Variants in CP observed in about 807,000 individuals in gnomAD.
CP encodes the protein caeruloplasmin.
Under a neutral mutation model 122.4 loss-of-function variants are expected in CP, and 64 were observed. That is an observed-to-expected ratio of 0.52 (90% CI 0.43 to 0.64). The LOEUF (loss-of-function observed/expected upper bound fraction) is 0.64. Among genes scored for constraint, CP ranks in the 30% least tolerant of loss-of-function variants. The pLI is 0.00. For missense variants in CP, 1,167 were observed against 1,284.4 expected (o/e 0.91, Z 1.40); for synonymous variants, 440 against 436.4 (o/e 1.01, Z -0.10).
At chr3:149,172,051 AAGAC>A (rs1251438910), downstream of CP, 2 of 1,600,426 alleles carry the variant, frequency 1.2e-6, no homozygotes, top group African/African-American at 2.7e-5. Flanking sequence ...GATTGAATGA[AAGAC>A]AGACTTTCAA....
intron 5 of CP, among the ~76,000 whole-genome samples, chr3:149,164,892 G>A (rs942627921): frequency 6.6e-6 from 1 of 152,052 alleles, no homozygotes; most frequent in African/African-American, 2.4e-5. Context: ...TTAGGCTTTT[G>A]AATTTGCAAT....
intron 13 of CP, among the ~76,000 whole-genome samples, chr3:149,182,841 G>A (rs1398125837): frequency 6.6e-6 from 1 of 152,036 alleles, no homozygotes; most frequent in Non-Finnish European, 1.5e-5. Flanking sequence ...TAGGATAATG[G>A]GGATAAATTG....
At chr3:149,167,991 G>T (rs781312506), downstream of CP, 3 of 1,409,448 alleles carry the variant, frequency 2.1e-6, no homozygotes, top group East Asian at 2.3e-5. Context: ...AAGGTAAAAT[G>T]ATTTTTTTTT....
chr3:149,211,167 TA>T (rs1728076008), intron 2 of CP, among the ~76,000 whole-genome samples: 1 of 152,216 alleles, frequency 6.6e-6, no homozygotes, highest in Non-Finnish European at 1.5e-5. Context: ...ATTCACTTTC[TA>T]AACCAATATC....
intron 18 of CP, among the ~76,000 whole-genome samples, chr3:149,174,245 G>A (rs936332003): frequency 2.1e-4 from 32 of 152,146 alleles, no homozygotes; most frequent in Admixed American, 1.6e-3. Context: ...TACATGATCC[G>A]GGATTTTCTT....
In CP at chr3:149,221,717, T is replaced by C. The variant is rs1257109015; in HGVS notation, c.76A>G (p.Ile26Val). 1 of 1,612,826 alleles carries C rather than the reference T, an allele frequency of 6.2e-7. No individual in the cohort carries two copies. Among genetic ancestry groups the C allele is most frequent in the South Asian group, 1.1e-5 (1 of 90,756 alleles). Residue 26 changes from isoleucine to valine, a missense_variant, in exon 1 of 19, where the codon ATT becomes GTT. Coordinates refer to ENST00000264613, the MANE Select transcript of CP (RefSeq NM_000096.4). Reference sequence around the variant, plus strand: ...TCCCAAGTCGTTTCAATAATTCCAATGTAATAATGCTTTTCTTTCGCCCAG... The same window carrying C: ...TCCCAAGTCGTTTCAATAATTCCAACGTAATAATGCTTTTCTTTCGCCCAG... ...PAWAKEKHYY[I>V]GIIETTWDYA...
At chr3:149,181,190 C>T (rs1185686516) in intron 14 of CP, among the ~76,000 whole-genome samples, 3 of 152,152 alleles carry the variant, frequency 2.0e-5, no homozygotes, top group Non-Finnish European at 2.9e-5. Flanking sequence ...CATCTGGCCC[C>T]TGCTCTCCCT....
intron 9 of CP, among the ~76,000 whole-genome samples, chr3:149,190,688 G>T (rs921380785): frequency 8.0e-4 from 120 of 150,688 alleles, no homozygotes; most frequent in African/African-American, 2.8e-3. Context: ...AGGAGGGGGG[G>T]AACCCCATAA....
intron 12 of CP, among the ~76,000 whole-genome samples, chr3:149,184,541 G>C (rs1467664590): frequency 6.6e-6 from 1 of 152,140 alleles, no homozygotes; most frequent in Non-Finnish European, 1.5e-5. Context: ...TCTCCATGTG[G>C]TCAGCGCATG....
chr3:149,168,495 A>C (rs1442084357), downstream of CP: 1 of 166,898 alleles, frequency 6.0e-6, no homozygotes, highest in East Asian at 1.7e-4. Context: ...ATCTGTTTCT[A>C]TACTGCTGTG....
rs1202263053 is a variant in CP, at chr3:149,185,347, G to A, written c.2177C>T (p.Thr726Ile). ...NQCRRQSEDS[T>I]FYLGERTYYI... ...GTATGTCCTCTCTCCCAGGTAGAAG[G>A]TGGAATCCTCAGACTGCCGCCTGCA... Residue 726 changes from threonine to isoleucine, a missense_variant, in exon 12 of 19, where the codon ACC (threonine) becomes ATC (isoleucine). By Grantham distance (89) the Thr-to-Ile change is moderately conservative. Around this residue, in one of 2 missense-constraint regions of CP, gnomAD observed 525 missense variants for 657.2 expected, o/e 0.80. Coordinates refer to ENST00000264613, the MANE Select transcript of CP (RefSeq NM_000096.4). 1.9e-6 allele frequency: 3 copies of A among 1,613,972 alleles called. No homozygotes were observed. In the Admixed American group the frequency reaches 5.0e-5, roughly 27 times the overall value.
intron 12 of CP, among the ~76,000 whole-genome samples, chr3:149,183,871 C>T (rs776578587): frequency 2.1e-4 from 32 of 152,036 alleles, no homozygotes; most frequent in South Asian, 6.2e-4. Context: ...TAGTCACTGC[C>T]TATTGGAACC....
At chr3:149,217,555 T>G (rs774097932) in intron 1 of CP, among the ~76,000 whole-genome samples, 2 of 152,154 alleles carry the variant, frequency 1.3e-5, no homozygotes, top group African/African-American at 4.8e-5. Flanking sequence ...GTTATAAAAG[T>G]TTCCTCCCTG....
rs747384940 is a variant in CP, at chr3:149,186,633, A to G, written c.1964T>C (p.Val655Ala). ...YLFSAGNEAD[V>A]HGIYFSGNTY... is the part of the protein sequence containing the mutation. Reference sequence around the variant, plus strand: ...GTTTCCTGAAAAGTATATTCCATGTACATCGGCCTCATTTCCGGCGCTGAA... The same window carrying G: ...GTTTCCTGAAAAGTATATTCCATGTGCATCGGCCTCATTTCCGGCGCTGAA... The change falls in exon 11 of 19, where the codon GTA becomes GCA. Residue 655 changes from valine (V) to alanine (A), a missense_variant. Around this residue, in one of 2 missense-constraint regions of CP, gnomAD observed 525 missense variants for 657.2 expected, o/e 0.80. Coordinates refer to ENST00000264613, the MANE Select transcript of CP (RefSeq NM_000096.4). The G allele has an allele frequency of 3.7e-6, 6 of 1,614,064 alleles. No homozygotes were observed. The South Asian group carries it at 4.4e-5, about 12-fold the overall frequency.
At chr3:149,215,322 G>A (rs1317560610) in intron 1 of CP, among the ~76,000 whole-genome samples, 1 of 152,108 alleles carries the variant, frequency 6.6e-6, no homozygotes, top group Non-Finnish European at 1.5e-5. Context: ...GAAGAGCATT[G>A]CCATAAACAA....
intron 9 of CP, among the ~76,000 whole-genome samples, chr3:149,189,209 T>C (rs1726381051): frequency 6.6e-6 from 1 of 152,142 alleles, no homozygotes; most frequent in Non-Finnish European, 1.5e-5. Flanking sequence ...AATTACAAAA[T>C]TAGTAATGGA....
downstream of CP, chr3:149,172,317 A>ACCACACACACACACAC: frequency 1.6e-6 from 1 of 640,620 alleles, no homozygotes; most frequent in African/African-American, 2.8e-5. Context: ...TATTTTATAT[A>ACCACACACACACACAC]TCACACACAC....
intron 4 of CP, chr3:149,166,071 G>C: frequency 2.2e-6 from 1 of 453,488 alleles, no homozygotes; most frequent in South Asian, 1.6e-5. Context: ...AAGGGTACAG[G>C]GACAAGAAAA....
In CP at chr3:149,188,473, A is replaced by G. The variant is rs1214376238; in HGVS notation, c.1714-271T>C. On this transcript the variant is annotated intron_variant, in intron 9 of 18. Coordinates refer to ENST00000264613, the MANE Select transcript of CP (RefSeq NM_000096.4). ...CTCTACCTTCCTGCCCACATTGTGC[A>G]TACCAATTGAAGCCTCCAAAAAAAA... Among the ~76,000 whole-genome samples, 4 of 136,504 alleles carry G rather than the reference A, an allele frequency of 2.9e-5. No individual in the cohort carries two copies. In the East Asian group the frequency reaches 8.5e-4, roughly 29 times the overall value. The allele number at this position is 136,504 out of a possible 152,430, so 89.6% of individuals were successfully genotyped here. A position where few individuals can be genotyped will look rare whatever the true frequency, so the allele number is the denominator to read the frequency against.
Sources: gnomAD v4.1 joint callset for allele counts (sites outside exome capture counted in the v4.1 genomes callset) on GRCh38, gnomAD v4.1.1 for gene constraint, gnomAD v4.1.1 regional missense constraint, MANE v1.5 for transcripts, NCBI Gene and HGNC (gene_info 2026-07-23, HGNC 2026-07-21) for gene names.